The following ARHGEF28 variants were observed in gnomAD, a reference collection of about 807,000 sequenced individuals.
ARHGEF28 encodes 190 kDa guanine nucleotide exchange factor.
A neutral mutation model predicts 206.6 loss-of-function variants in ARHGEF28; 152 were observed. The ratio of observed to expected loss-of-function variants is 0.74; its 90% confidence interval spans 0.64 to 0.84. The LOEUF is 0.84. Ranked by LOEUF, ARHGEF28 falls within the 40% of genes least tolerant of loss-of-function variation. The pLI, the probability that ARHGEF28 is intolerant of heterozygous loss-of-function variation, is 0.00. For synonymous variants in ARHGEF28, 763 were observed against 776.4 expected (o/e 0.98, Z 0.29); for missense variants, 2,028 against 2,073.2 (o/e 0.98, Z 0.42).
chr5:73,795,419 C>T (rs751926182), intron 9 of ARHGEF28, 28 bp downstream of exon 9: 26 of 1,577,500 alleles, frequency 1.6e-5, no homozygotes, highest in South Asian at 3.4e-5. Flanking sequence ...TACCTATACT[C>T]GTAGGGGCAT....
At chr5:73,806,857 C>T (rs1244750968) in intron 9 of ARHGEF28, among the ~76,000 whole-genome samples, 11 of 145,642 alleles carry the variant, frequency 7.6e-5, no homozygotes, top group African/African-American at 2.8e-4. Context: ...TCGATATATA[C>T]TATACATCTA....
chr5:73,714,596 A>T (rs1749459472), intron 2 of ARHGEF28, among the ~76,000 whole-genome samples: 1 of 152,172 alleles, frequency 6.6e-6, no homozygotes, highest in South Asian at 2.1e-4. Context: ...CTACATCAAC[A>T]CAATTTTTGG....
chr5:73,774,119 C>T (rs984526426), intron 5 of ARHGEF28, 81 bp downstream of exon 5: 66 of 1,315,926 alleles, frequency 5.0e-5, no homozygotes, highest in Admixed American at 8.1e-5. Flanking sequence ...ATAACCAAAC[C>T]ACAAGCTAAT....
intron 7 of ARHGEF28, among the ~76,000 whole-genome samples, chr5:73,789,395 G>T (rs1364631398): frequency 6.6e-6 from 1 of 152,160 alleles, no homozygotes; most frequent in East Asian, 1.9e-4. Context: ...GGGTGTGGAA[G>T]GAGGATGGTG....
rs1282201591 is a variant in ARHGEF28, at chr5:73,898,017, A to G, written c.3897A>G (p.Ser1299=). Residue 1299 remains serine, a synonymous_variant, in exon 30 of 36, where the codon TCA becomes TCG. Coordinates refer to ENST00000513042, the MANE Select transcript of ARHGEF28 (RefSeq NM_001177693.2). ...KASQMGAVSQ[S]CEDSCGDSVL... is the part of the protein sequence containing the mutation. ...CACAGATGGGCGCCGTGAGTCAATC[A>G]TGTGAGGACAGTTGTGGAGACTCTG... 4 of 1,607,838 alleles carry G rather than the reference A, an allele frequency of 2.5e-6. No homozygotes were observed. The highest frequency in any genetic ancestry group is 3.4e-6 in the Non-Finnish European group (4 of 1,177,088).
intron 1 of ARHGEF28, among the ~76,000 whole-genome samples, chr5:73,626,709 C>G (rs1357240246): frequency 6.6e-6 from 1 of 152,182 alleles, no homozygotes; most frequent in Non-Finnish European, 1.5e-5. Flanking sequence ...TCCGCCCTTC[C>G]CATCCATGCT....
chr5:73,914,994 C>G (rs974810437), intron 35 of ARHGEF28, among the ~76,000 whole-genome samples: 30 of 152,210 alleles, frequency 2.0e-4, no homozygotes, highest in Non-Finnish European at 1.3e-4. Flanking sequence ...GCTGTTTCAG[C>G]CTCCCAAAGT....
chr5:73,705,366 A>G (rs1300128402), intron 2 of ARHGEF28, among the ~76,000 whole-genome samples: 2 of 152,088 alleles, frequency 1.3e-5, no homozygotes, highest in Non-Finnish European at 1.5e-5. Context: ...TTACTCATCC[A>G]TGGCTCTCAC....
intron 2 of ARHGEF28, among the ~76,000 whole-genome samples, chr5:73,741,385 GTATATATATATATATATATATATATATA>G (rs67973637): frequency 0.012 from 271 of 21,844 alleles, 7 homozygotes; most frequent in South Asian, 0.015. Flanking sequence ...GTGTGTGTGT[GTATATATATATATATATATATATATATA>G]TATATATATA....
intron 22 of ARHGEF28, among the ~76,000 whole-genome samples, chr5:73,873,533 C>T (rs1014327382): frequency 4.6e-5 from 7 of 152,204 alleles, no homozygotes; most frequent in Middle Eastern, 3.4e-3. Flanking sequence ...CTGAATGTCA[C>T]GTTTTACAGT....
At chr5:73,801,286 A>C (rs1199008565) in intron 9 of ARHGEF28, among the ~76,000 whole-genome samples, 1 of 151,898 alleles carries the variant, frequency 6.6e-6, no homozygotes, top group Non-Finnish European at 1.5e-5. Flanking sequence ...CTCTACTAAA[A>C]CTACAAAAAA....
At chr5:73,808,797 A>G (rs1264683122) in intron 9 of ARHGEF28, among the ~76,000 whole-genome samples, 1 of 152,078 alleles carries the variant, frequency 6.6e-6, no homozygotes, top group African/African-American at 2.4e-5. Context: ...TGGAGTAGAG[A>G]AGCAAAGCAA....
At position 73,885,927 on chromosome 5, in the gene ARHGEF28, G is replaced by A. The variant is rs752676346; in HGVS notation, c.3133G>A (p.Val1045Ile). The A allele has an allele frequency of 1.9e-6, 3 of 1,613,608 alleles. No individual in the cohort carries two copies. The South Asian group carries it at 3.3e-5, about 18-fold the overall frequency. Residue 1045 changes from valine (V) to isoleucine (I), a missense_variant, in exon 25 of 36, where the codon GTC becomes ATC. Val to Ile is a conservative substitution (Grantham distance 29). Around this residue, in one of 3 missense-constraint regions of ARHGEF28, gnomAD observed 223 missense variants for 289.9 expected, o/e 0.77. Coordinates refer to ENST00000513042, the MANE Select transcript of ARHGEF28 (RefSeq NM_001177693.2). ...CATGATTGCAACAGTGGATTTAAAA[G>A]TCAATGAATATGAGAAAAACCAAAA... ...KDMIATVDLKVNEYEKNQKWL... is the reference protein window; with the variant it reads ...KDMIATVDLKINEYEKNQKWL...
intron 4 of ARHGEF28, among the ~76,000 whole-genome samples, chr5:73,753,794 A>C (rs975879892): frequency 6.6e-6 from 1 of 152,236 alleles, no homozygotes; most frequent in Non-Finnish European, 1.5e-5. Flanking sequence ...CTTACTAGAC[A>C]TGAGGCTAAA....
intron 18 of ARHGEF28, among the ~76,000 whole-genome samples, chr5:73,867,520 A>G (rs1759786174): frequency 6.6e-6 from 1 of 152,218 alleles, no homozygotes. Context: ...AACAGTACTA[A>G]TAACACCTTG....
Position 73,806,614 on chromosome 5 carries a change from A to G in ARHGEF28, c.1024+11223A>G, listed in dbSNP as rs892318008. On this transcript the variant is annotated intron_variant, in intron 9 of 35. Transcript: ENST00000513042. ...ATCTATATATACTACACATCTATCT[A>G]TATATAGTATATATCTATATATACA... Among the ~76,000 whole-genome samples, 5 of 142,310 alleles carry G rather than the reference A, an allele frequency of 3.5e-5. 1 individual carries two copies. Among genetic ancestry groups the G allele is most frequent in the Non-Finnish European group, 7.6e-5 (5 of 66,184 alleles). The allele number at this position is 142,310 out of a possible 152,430, so 93.4% of individuals were successfully genotyped here. A position where few individuals can be genotyped will look rare whatever the true frequency, so the allele number is the denominator to read the frequency against.
intron 16 of ARHGEF28, among the ~76,000 whole-genome samples, chr5:73,859,526 T>G (rs542056199): frequency 4.7e-4 from 72 of 152,346 alleles, no homozygotes; most frequent in African/African-American, 1.5e-3. Flanking sequence ...TTGAATTTTC[T>G]TCTCACAGTT....
At position 73,685,725 on chromosome 5, in the gene ARHGEF28, C is replaced by T. The variant is rs1359537081; in HGVS notation, c.33+841C>T. ...GCAAACTCCGCCTCCCAGGTTCAAG[C>T]GATTCCCCTGCCTCAGCCTCCCAAG... On this transcript the variant is annotated intron_variant, in intron 2 of 35. Transcript: ENST00000513042. 4.6e-5 allele frequency among the ~76,000 whole-genome samples: 7 copies of T among 152,130 alleles called. No homozygotes were observed. The East Asian group carries it at 9.6e-4, about 21-fold the overall frequency.
At chr5:73,806,813 C>G (rs1364427809) in intron 9 of ARHGEF28, among the ~76,000 whole-genome samples, 6 of 130,412 alleles carry the variant, frequency 4.6e-5, no homozygotes, top group Admixed American at 2.2e-4. Context: ...TCTATATGTG[C>G]CATATATACG....
Sources: allele counts gnomAD v4.1 joint callset (sites outside exome capture counted in the v4.1 genomes callset), GRCh38; gene constraint gnomAD v4.1.1; regional missense constraint gnomAD v4.1.1; transcripts MANE v1.5; gene names NCBI Gene and HGNC (gene_info 2026-07-23, HGNC 2026-07-21).